The following ZBTB25 variants were observed in gnomAD, a reference collection of about 807,000 sequenced individuals.
ZBTB25 encodes the protein zinc finger and BTB domain-containing protein 25.
A neutral mutation model predicts 34.2 loss-of-function variants in ZBTB25; 20 were observed. That is an observed-to-expected ratio of 0.58 (90% confidence interval 0.41 to 0.85). The LOEUF is 0.85. ZBTB25 is among the 40% of genes least tolerant of loss of function. The probability of loss-of-function intolerance (pLI) is 0.00; values close to 1 mark genes in which losing one functional copy is unlikely to be tolerated. For missense variants in ZBTB25, 437 were observed against 521.8 expected (o/e 0.84, Z 1.58); for synonymous variants, 175 against 186.4 (o/e 0.94, Z 0.50).
At position 64,485,399 on chromosome 14, in the gene ZBTB25, A is replaced by C. The variant is rs1195138105; in HGVS notation, c.*1524T>G. The C allele has an allele frequency of 1.0e-6, 1 of 985,344 alleles. No individual in the cohort carries two copies. Among genetic ancestry groups the C allele is most frequent in the African/African-American group, 1.7e-5 (1 of 57,242 alleles). 61.0% of individuals were successfully genotyped at this position (985,344 alleles called of 1,614,324 possible). On this transcript the variant is annotated 3_prime_UTR_variant, in exon 3 of 3. Transcript: ENST00000608382. ...TGAGTCTGTTTTATTATCCTTGACTATGCGGGGTTTGAAATTTAAACATTT... is the reference window on the plus strand; with the variant it reads ...TGAGTCTGTTTTATTATCCTTGACTCTGCGGGGTTTGAAATTTAAACATTT...
intron 2 of ZBTB25, among the ~76,000 whole-genome samples, chr14:64,454,186 C>T (rs2078425714): frequency 6.6e-6 from 1 of 152,230 alleles, no homozygotes; most frequent in Non-Finnish European, 1.5e-5. Flanking sequence ...AATTTCAGCT[C>T]ACTGCAGCCT....
At chr14:64,449,644 A>G (rs753750303) in intron 2 of ZBTB25, 2 of 1,612,618 alleles carry the variant, frequency 1.2e-6, no homozygotes, top group Non-Finnish European at 1.7e-6. Context: ...GCTGTCTGCA[A>G]AAAAAGAAAA....
At chr14:64,459,786 T>C (rs776174229) in intron 2 of ZBTB25, 56 of 1,534,542 alleles carry the variant, frequency 3.6e-5, no homozygotes, top group South Asian at 6.0e-5. Flanking sequence ...AGAAGCTACT[T>C]TGAAAGTCTG....
Position 64,486,042 on chromosome 14 carries a change from G to A in ZBTB25, c.*881C>T, listed in dbSNP as rs538444237. Reference sequence around the variant, plus strand: ...ATTAAAAATGAGATATACCACATCTGTAATCCCAGCACTTTGGGAGGCCAA... The same window carrying A: ...ATTAAAAATGAGATATACCACATCTATAATCCCAGCACTTTGGGAGGCCAA... On this transcript the variant is annotated 3_prime_UTR_variant, in exon 3 of 3. Transcript: ENST00000608382. 5 of 983,488 alleles carry A rather than the reference G, an allele frequency of 5.1e-6. No homozygotes were observed. Among genetic ancestry groups the A allele is most frequent in the South Asian group, 4.7e-5 (1 of 21,260 alleles). 60.9% of individuals were successfully genotyped at this position (983,488 alleles called of 1,614,324 possible). A position where few individuals can be genotyped will look rare whatever the true frequency, so the allele number is the denominator to read the frequency against.
exon 3 of ZBTB25, chr14:64,449,481 C>T: frequency 6.2e-7 from 1 of 1,613,990 alleles, no homozygotes; most frequent in Non-Finnish European, 8.5e-7. Flanking sequence ...TCATCAGCCG[C>T]CTTTCCAGAG....
At chr14:64,468,383 T>C in intron 2 of ZBTB25, 2 of 1,586,078 alleles carry the variant, frequency 1.3e-6, no homozygotes, top group Non-Finnish European at 1.7e-6. Context: ...AGAATAAGAG[T>C]GCAGTGTAAA....
rs754414130 is a variant in ZBTB25 at position 64,487,343 on chromosome 14, CCTG to C, written c.885_887del (p.Arg296del). 1.8e-5 allele frequency: 29 copies of C among 1,613,892 alleles called. No individual in the cohort carries two copies. In the Admixed American group the frequency reaches 4.7e-4, roughly 26 times the overall value. On this transcript the variant is annotated inframe_deletion, in exon 3 of 3. Coordinates refer to ENST00000608382, the MANE Select transcript of ZBTB25 (RefSeq NM_006977.5). ...TCTCCTTAACAATGAAGGAGCTGAGCCTGCGGCATTCAAGGGCCTCGCTGTTTT... is the reference window on the plus strand; with the variant it reads ...TCTCCTTAACAATGAAGGAGCTGAGCCGGCATTCAAGGGCCTCGCTGTTTT...
intron 1 of ZBTB25, among the ~76,000 whole-genome samples, chr14:64,491,959 T>C (rs1203557731): frequency 3.3e-5 from 5 of 151,858 alleles, no homozygotes; most frequent in African/African-American, 4.8e-5. Context: ...GTGCTTCCTA[T>C]GTGTCAAAAA....
At chr14:64,503,447 G>T (rs2079565823) in intron 1 of ZBTB25, 2 of 985,338 alleles carry the variant, frequency 2.0e-6, no homozygotes, top group African/African-American at 3.5e-5. Context: ...AGCAGCAAAG[G>T]GTGGTTCTGG....
At chr14:64,497,630 T>A (rs2079323346) in intron 1 of ZBTB25, among the ~76,000 whole-genome samples, 1 of 152,332 alleles carries the variant, frequency 6.6e-6, no homozygotes, top group South Asian at 2.1e-4. Flanking sequence ...AAACCTTCTT[T>A]ACCTTCTAGA....
At chr14:64,474,958 T>G (rs1197917768), downstream of ZBTB25, among the ~76,000 whole-genome samples, 4 of 152,188 alleles carry the variant, frequency 2.6e-5, no homozygotes, top group African/African-American at 9.7e-5. Flanking sequence ...ACTCTATCTT[T>G]TCGTAACCAC....
intron 2 of ZBTB25, among the ~76,000 whole-genome samples, chr14:64,488,570 G>A (rs1596618172): frequency 6.6e-6 from 1 of 152,258 alleles, no homozygotes; most frequent in Non-Finnish European, 1.5e-5. Context: ...CACACACAAT[G>A]GAATATTATT....
At position 64,482,191 on chromosome 14, in the gene ZBTB25, A is replaced by ACCTGTAAT. The variant is rs1351195605; in HGVS notation, c.*4724_*4731dup. ...AAATAGGCTGGGCCCAGTGGCCCAT[A>ACCTGTAAT]CCTGTAATCCCAGCACTTTGGGAGG... On this transcript the variant is annotated 3_prime_UTR_variant, in exon 3 of 3. Transcript: ENST00000608382. The ACCTGTAAT allele has an allele frequency of 2.0e-5, 3 of 152,192 alleles. No homozygotes were observed. The highest frequency in any genetic ancestry group is 4.4e-5 in the Non-Finnish European group (3 of 68,026). 9.4% of individuals were successfully genotyped at this position (152,192 alleles called of 1,614,324 possible).
At position 64,480,430 on chromosome 14, in the gene ZBTB25, G is replaced by C; in HGVS notation, c.*6493C>G. Reference sequence around the variant, plus strand: ...ACAGCAGTTGGAAAGCATTTGATTAGGACGTCAATTTTCGATTAACACAGA... The same window carrying C: ...ACAGCAGTTGGAAAGCATTTGATTACGACGTCAATTTTCGATTAACACAGA... On this transcript the variant is annotated 3_prime_UTR_variant, in exon 3 of 3. Transcript: ENST00000608382. 1 of 360,804 alleles carries C rather than the reference G, an allele frequency of 2.8e-6. No homozygotes were observed. The allele number at this position is 360,804 out of a possible 1,614,324, so 22.4% of individuals were successfully genotyped here.
chr14:64,504,834 C>T (rs2079614726), upstream of ZBTB25: 1 of 393,378 alleles, frequency 2.5e-6, no homozygotes, highest in Non-Finnish European at 4.5e-6. Flanking sequence ...CGCCGAGCGC[C>T]GCGCGCCGCC....
chr14:64,494,868 A>G (rs1373247765), intron 1 of ZBTB25, among the ~76,000 whole-genome samples: 1 of 152,244 alleles, frequency 6.6e-6, no homozygotes, highest in Non-Finnish European at 1.5e-5. Context: ...ATTTCTATTA[A>G]TCTATCCTCA....
chr14:64,487,058 T>A lies in ZBTB25; in HGVS notation c.1173A>T (p.Arg391Ser). ...CQRFGNALAQ[R>S]FQPYCDSWSD... ...ACCAGCTGTCACAGTATGGCTGAAA[T>A]CTCTGGGCCAATGCATTACCAAACC... The change falls in exon 3 of 3, where the codon AGA (arginine) becomes AGT (serine). Residue 391 changes from arginine (R) to serine (S), a missense_variant. Coordinates refer to ENST00000608382, the MANE Select transcript of ZBTB25 (RefSeq NM_006977.5). 2 of 1,614,220 alleles carry A rather than the reference T, an allele frequency of 1.2e-6. No individual in the cohort carries two copies. Among genetic ancestry groups the A allele is most frequent in the Non-Finnish European group, 1.7e-6 (2 of 1,180,054 alleles).
chr14:64,467,875 C>T (rs1325397224), intron 2 of ZBTB25: 4 of 152,136 alleles, frequency 2.6e-5, no homozygotes, highest in South Asian at 2.1e-4. Context: ...ACAGACAACA[C>T]AACTAAAGAA....
chr14:64,473,886 T>C (rs866262734), downstream of ZBTB25: 4 of 166,896 alleles, frequency 2.4e-5, no homozygotes, highest in Non-Finnish European at 4.4e-5. Context: ...TTTCAATCCA[T>C]GGTATATTTT....
Sources: allele counts gnomAD v4.1 joint callset (sites outside exome capture counted in the v4.1 genomes callset), GRCh38; gene constraint gnomAD v4.1.1; transcripts MANE v1.5; gene names NCBI Gene and HGNC (gene_info 2026-07-23, HGNC 2026-07-21).